The following DHX37 variants were observed in gnomAD, a reference collection of about 807,000 sequenced individuals.
The protein encoded by DHX37 is DEAH-box helicase 37.
DHX37 carries 52 observed loss-of-function variants against 134.3 expected under a neutral mutation model. That is an observed-to-expected ratio of 0.39 (90% confidence interval 0.31 to 0.49). The LOEUF is 0.49. Among genes scored for constraint, DHX37 ranks in the 20% least tolerant of loss-of-function variants. DHX37 has a pLI of 0.93. For missense variants in DHX37, 1,344 were observed against 1,580.8 expected (o/e 0.85, Z 2.54); for synonymous variants, 634 against 670.7 (o/e 0.95, Z 0.85).
chr12:124,948,105 C>A lies in DHX37; in HGVS notation c.3367G>T (p.Ala1123Ser). The change falls in exon 26 of 27, where the codon GCT becomes TCT. Residue 1123 changes from alanine (A) to serine (S), a missense_variant. Ala to Ser is a moderately conservative substitution (Grantham distance 99). This residue lies in a region of DHX37 where 558 missense variants were observed against 650.0 expected (regional missense o/e 0.86). Coordinates refer to ENST00000308736, the MANE Select transcript of DHX37 (RefSeq NM_032656.4). The part of the protein sequence containing the change: ...KADCHEALLA[A>S]WKKNPKYLLA... ...TCACATTTGGGGTTTTTCTTCCAAG[C>A]AGCCAGCAAGGCTTCATGGCAGTCA... 1 of 1,614,250 alleles carries A rather than the reference C, an allele frequency of 6.2e-7. No individual in the cohort carries two copies. Among genetic ancestry groups the A allele is most frequent in the Non-Finnish European group, 8.5e-7 (1 of 1,180,046 alleles).
At chr12:124,967,880 C>A (rs1425570300) in intron 10 of DHX37, among the ~76,000 whole-genome samples, 1 of 151,920 alleles carries the variant, frequency 6.6e-6, no homozygotes, top group Non-Finnish European at 1.5e-5. Context: ...ACCAGCCCGG[C>A]CAACATGATG....
rs1953941382 is a variant in DHX37, at chr12:124,949,973, C to A, written c.3290+13G>T. 1.2e-6 allele frequency: 2 copies of A among 1,603,154 alleles called. No individual in the cohort carries two copies. The highest frequency in any genetic ancestry group is 1.7e-6 in the Non-Finnish European group (2 of 1,173,836). ...CCTCCTGCCCACTGCGAGGCTCCCACCGAAGGCAGTACCTGGCCCACGTCT... is the reference window on the plus strand; with the variant it reads ...CCTCCTGCCCACTGCGAGGCTCCCAACGAAGGCAGTACCTGGCCCACGTCT... On this transcript the variant is annotated intron_variant, in intron 25 of 26. Transcript: ENST00000308736. This position sits in a 1 kb window ranked among gnomAD's most constrained non-coding sequence, Gnocchi z 4.0.
intron 5 of DHX37, among the ~76,000 whole-genome samples, chr12:124,976,018 T>C (rs1565890528): frequency 6.6e-6 from 1 of 152,228 alleles, no homozygotes; most frequent in Non-Finnish European, 1.5e-5. Flanking sequence ...GGGTGGTTTA[T>C]GCCGGACACC....
rs754186165 is a variant in DHX37, at chr12:124,957,102, C to A, written c.2191G>T (p.Val731Leu). The A allele has an allele frequency of 1.3e-6, 2 of 1,494,630 alleles. No individual in the cohort carries two copies. Among genetic ancestry groups the A allele is most frequent in the Non-Finnish European group, 1.8e-6 (2 of 1,125,486 alleles). 92.6% of individuals were successfully genotyped at this position (1,494,630 alleles called of 1,614,324 possible). Reference sequence around the variant, plus strand: ...TCCTCGGCGGCAAGAAGGGCTTCCACGGAGGGGGGCGTCGGGAAGGGGAAG... The same window carrying A: ...TCCTCGGCGGCAAGAAGGGCTTCCAAGGAGGGGGGCGTCGGGAAGGGGAAG... ...INFPFPTPPS[V>L]EALLAAEELL... is the part of the protein sequence containing the mutation. The change falls in exon 17 of 27, where the codon GTG (valine) becomes TTG (leucine). Residue 731 changes from valine to leucine, a missense_variant. Physicochemically the swap from Val to Leu is conservative, Grantham distance 32. Transcript: ENST00000308736.
At position 124,975,513 on chromosome 12, in the gene DHX37, T is replaced by C; in HGVS notation, c.888-2A>G. On this transcript the variant is annotated splice_acceptor_variant, in intron 5 of 26. Transcript: ENST00000308736. LOFTEE classifies it high-confidence loss of function. ...GTGACACCGATGATGCTGTCTTCAC[T>C]GGGGGAGGAAGAACATGGCCATCAA... is the stretch of plus-strand genomic sequence containing the variant. 6.2e-7 allele frequency: 1 copy of C among 1,612,086 alleles called. No homozygotes were observed.
intron 5 of DHX37, 107 bp downstream of exon 5, chr12:124,977,235 G>A (rs1408646495): frequency 2.2e-6 from 3 of 1,367,956 alleles, no homozygotes; most frequent in South Asian, 1.7e-5. Context: ...AGCATGCACA[G>A]GGCAGATCCA....
chr12:124,956,582 G>GAACCCA, intron 18 of DHX37, 109 bp downstream of exon 18: 2 of 1,351,864 alleles, frequency 1.5e-6, no homozygotes, highest in Non-Finnish European at 2.0e-6. Flanking sequence ...TCTACCTCCT[G>GAACCCA]GGTTCAAATG....
intron 15 of DHX37, among the ~76,000 whole-genome samples, chr12:124,961,173 C>T (rs567192545): frequency 2.0e-4 from 16 of 81,594 alleles, no homozygotes; most frequent in East Asian, 4.7e-4. Flanking sequence ...TACATACACG[C>T]GCGCATGCGC....
intron 25 of DHX37, 180 bp from the exon 26 acceptor site, chr12:124,948,361 G>A (rs1594468610): frequency 8.6e-7 from 1 of 1,159,148 alleles, no homozygotes; most frequent in East Asian, 2.6e-5. Flanking sequence ...GAAGTAGGAG[G>A]ATCCCTTGAG....
chr12:124,967,034 C>T, intron 11 of DHX37, 89 bp downstream of exon 11: 1 of 1,550,374 alleles, frequency 6.5e-7, no homozygotes, highest in South Asian at 1.1e-5. Flanking sequence ...CAGAGAGAAG[C>T]TCAGAGGCAG....
chr12:124,953,942 T>C lies in DHX37; in HGVS notation c.2633A>G (p.Asn878Ser), dbSNP rs1431140093. Residue 878 changes from asparagine to serine, a missense_variant, in exon 20 of 27, where the codon AAC (asparagine) becomes AGC (serine). Physicochemically the swap from Asn to Ser is conservative, Grantham distance 46. Around this residue, in one of 7 missense-constraint regions of DHX37, gnomAD observed 558 missense variants for 650.0 expected, o/e 0.86. Coordinates refer to ENST00000308736, the MANE Select transcript of DHX37 (RefSeq NM_032656.4). Reference protein sequence around the residue: ...ASCTPQFCEANGLRYKAMMEI... With the variant: ...ASCTPQFCEASGLRYKAMMEI... The stretch of plus-strand genomic sequence containing the variant: ...CATCATGGCTTTGTACCGCAGCCCG[T>C]TGGCTTCGCAAAACTGGGGTGTGCA... 1.7e-5 allele frequency: 28 copies of C among 1,613,188 alleles called. No homozygotes were observed. Among genetic ancestry groups the C allele is most frequent in the East Asian group, 4.5e-5 (2 of 44,866 alleles).
At chr12:124,984,282 C>T (rs750528714) in intron 2 of DHX37, among the ~76,000 whole-genome samples, 4 of 152,228 alleles carry the variant, frequency 2.6e-5, no homozygotes, top group Non-Finnish European at 4.4e-5. Flanking sequence ...CCTATAATCC[C>T]TGCACTCGGG....
Position 124,968,512 on chromosome 12 carries a change from CCT to C in DHX37, c.1408+20_1408+21del, listed in dbSNP as rs1409303168. 1.2e-6 allele frequency: 2 copies of C among 1,610,226 alleles called. No individual in the cohort carries two copies. The highest frequency in any genetic ancestry group is 2.7e-5 in the African/African-American group (2 of 74,938). ...GGTTTAGGAAGGGAGGCTTCTTTCCCCTGACCTGGCCAGGGCCTCACCTGCGG... is the reference window on the plus strand; with the variant it reads ...GGTTTAGGAAGGGAGGCTTCTTTCCCGACCTGGCCAGGGCCTCACCTGCGG... On this transcript the variant is annotated intron_variant, in intron 10 of 26. Transcript: ENST00000308736.
At position 124,968,895 on chromosome 12, in the gene DHX37, A is replaced by G. The variant is rs945659105; in HGVS notation, c.1265T>C (p.Leu422Pro). 7 of 1,614,074 alleles carry G rather than the reference A, an allele frequency of 4.3e-6. No homozygotes were observed. Among genetic ancestry groups the G allele is most frequent in the Non-Finnish European group, 5.9e-6 (7 of 1,180,028 alleles). Residue 422 changes from leucine to proline, a missense_variant, in exon 9 of 27, where the codon CTC becomes CCC. Around this residue, in one of 7 missense-constraint regions of DHX37, gnomAD observed 289 missense variants for 323.8 expected, o/e 0.89. Coordinates refer to ENST00000308736, the MANE Select transcript of DHX37 (RefSeq NM_032656.4). ...GATGACCGGCGGCGGCTTGGCGAAGAGCCGTGGGTTCTGGGTGAAGTCCTC... is the reference window on the plus strand; with the variant it reads ...GATGACCGGCGGCGGCTTGGCGAAGGGCCGTGGGTTCTGGGTGAAGTCCTC... ...RVEDFTQNPR[L>P]FAKPPPVIKV...
rs1953900331 is a variant in DHX37, at chr12:124,947,617, T to C, written c.*185A>G. 1 of 696,476 alleles carries C rather than the reference T, an allele frequency of 1.4e-6. No individual in the cohort carries two copies. Among genetic ancestry groups the C allele is most frequent in the Non-Finnish European group, 2.3e-6 (1 of 439,094 alleles). The allele number at this position is 696,476 out of a possible 1,614,324, so 43.1% of individuals were successfully genotyped here. On this transcript the variant is annotated 3_prime_UTR_variant, in exon 27 of 27. Coordinates refer to ENST00000308736, the MANE Select transcript of DHX37 (RefSeq NM_032656.4). Reference sequence around the variant, plus strand: ...TTCAAAAAGTCACCCCCGGGCCAGATGGCACGGGCGGCAGCACCCTTCATA... The same window carrying C: ...TTCAAAAAGTCACCCCCGGGCCAGACGGCACGGGCGGCAGCACCCTTCATA...
chr12:124,969,679 C>T (rs768936725), intron 8 of DHX37, among the ~76,000 whole-genome samples: 2 of 152,048 alleles, frequency 1.3e-5, no homozygotes, highest in Admixed American at 6.6e-5. Flanking sequence ...AAATGGAAAA[C>T]GACAAGTGCT....
chr12:124,963,878 CAAAA>C (rs71092251), intron 15 of DHX37, among the ~76,000 whole-genome samples: 1 of 91,664 alleles, frequency 1.1e-5, no homozygotes, highest in Non-Finnish European at 2.5e-5. Context: ...AGACTCGTCT[CAAAA>C]AAAAAAAAAA....
chr12:124,986,689 C>T (rs541663141), intron 1 of DHX37, among the ~76,000 whole-genome samples: 3 of 151,676 alleles, frequency 2.0e-5, no homozygotes, highest in East Asian at 2.0e-4. Flanking sequence ...CCAGCCTGGG[C>T]GACAGGGTGA....
At chr12:124,948,336 G>C in intron 25 of DHX37, 155 bp from the exon 26 acceptor site, 1 of 1,332,922 alleles carries the variant, frequency 7.5e-7, no homozygotes, top group South Asian at 1.5e-5. Context: ...TGTAGCCCCA[G>C]TTACTCAGGG....
Sources: gnomAD v4.1 joint callset for allele counts (sites outside exome capture counted in the v4.1 genomes callset) on GRCh38, gnomAD v4.1.1 for gene constraint, gnomAD v4.1.1 regional missense constraint, Gnocchi (gnomAD v3.1) non-coding constraint, MANE v1.5 for transcripts, NCBI Gene and HGNC (gene_info 2026-07-23, HGNC 2026-07-21) for gene names.